The following SPAG6 variants were observed in gnomAD, a reference collection of about 807,000 sequenced individuals.
SPAG6 encodes sperm associated antigen 6.
In SPAG6, 49 loss-of-function variants were observed where a neutral mutation model predicts 58.5. The ratio of observed to expected loss-of-function variants is 0.84; its 90% CI spans 0.67 to 1.06. The LOEUF (loss-of-function observed/expected upper bound fraction) is 1.06. SPAG6 is among the 50% of genes least tolerant of loss of function. The probability of loss-of-function intolerance (pLI) is 0.00; values close to 1 mark genes in which losing one functional copy is unlikely to be tolerated. For missense variants in SPAG6, 560 were observed against 611.3 expected (o/e 0.92, Z 0.89); for synonymous variants, 233 against 225.6 (o/e 1.03, Z -0.29).
At chr10:22,409,037 G>T (rs535111483) in intron 9 of SPAG6, among the ~76,000 whole-genome samples, 6 of 152,296 alleles carry the variant, frequency 3.9e-5, no homozygotes, top group Middle Eastern at 3.4e-3. Context: ...GCACTCCCTA[G>T]TGAGATGAAC....
intron 2 of SPAG6, among the ~76,000 whole-genome samples, chr10:22,356,138 T>A (rs1253693655): frequency 2.6e-5 from 4 of 152,198 alleles, no homozygotes; most frequent in African/African-American, 9.7e-5. Flanking sequence ...AATTACAAAT[T>A]ACCTATGCTA....
chr10:22,357,056 A>G (rs961791450), intron 2 of SPAG6, among the ~76,000 whole-genome samples: 2 of 152,112 alleles, frequency 1.3e-5, no homozygotes, highest in Non-Finnish European at 2.9e-5. Context: ...CAGTTTTGTC[A>G]ACATATGAAA....
chr10:22,388,098 C>T, intron 6 of SPAG6, 102 bp downstream of exon 6: 1 of 911,846 alleles, frequency 1.1e-6, no homozygotes, highest in South Asian at 1.9e-5. Flanking sequence ...GGCACATGAT[C>T]TAGTTGAGTC....
At chr10:22,410,824 C>T (rs1834712969) in intron 9 of SPAG6, among the ~76,000 whole-genome samples, 1 of 152,104 alleles carries the variant, frequency 6.6e-6, no homozygotes. Flanking sequence ...ATGTTCATTG[C>T]CTTTATTTCA....
At chr10:22,386,437 T>G (rs7074430) in intron 4 of SPAG6, among the ~76,000 whole-genome samples, 7,672 of 151,648 alleles carry the variant, frequency 0.051, 462 homozygotes, top group African/African-American at 0.14. Context: ...TATTGAGAAG[T>G]GCAGAATTGT....
chr10:22,376,394 ATTTC>A (rs1012641572), intron 4 of SPAG6, among the ~76,000 whole-genome samples: 4 of 152,164 alleles, frequency 2.6e-5, no homozygotes, highest in Admixed American at 6.5e-5. Flanking sequence ...ATTTTCACCT[ATTTC>A]TTTTTACTTT....
chr10:22,353,299 G>A lies in SPAG6; in HGVS notation c.121+7481G>A, dbSNP rs1588633613. Among the ~76,000 whole-genome samples the A allele has an allele frequency of 2.0e-5, 3 of 152,284 alleles. No individual in the cohort carries two copies. The East Asian group carries it at 5.8e-4, about 29-fold the overall frequency. On this transcript the variant is annotated intron_variant, in intron 2 of 10. Coordinates refer to ENST00000376624, the MANE Select transcript of SPAG6 (RefSeq NM_012443.4). The stretch of plus-strand genomic sequence containing the variant: ...TTCTGCAAACAGATGGATGTAATTA[G>A]GTATTTACTGTAAAAGAGAAAACAC...
At chr10:22,367,616 CAG>C (rs1393590777) in intron 3 of SPAG6, among the ~76,000 whole-genome samples, 1 of 152,028 alleles carries the variant, frequency 6.6e-6, no homozygotes, top group Non-Finnish European at 1.5e-5. Context: ...TTATTAATAA[CAG>C]AAAGAGTTAG....
intron 7 of SPAG6, among the ~76,000 whole-genome samples, chr10:22,390,382 T>C (rs1226543732): frequency 1.3e-5 from 2 of 152,124 alleles, no homozygotes; most frequent in Non-Finnish European, 1.5e-5. Context: ...ACCAGGGAGC[T>C]CTCCCCTTCT....
chr10:22,396,061 A>T (rs1834285084), intron 8 of SPAG6, among the ~76,000 whole-genome samples: 1 of 152,200 alleles, frequency 6.6e-6, no homozygotes, highest in Non-Finnish European at 1.5e-5. Context: ...ATCATGGCAG[A>T]AGGCAAAGGG....
At chr10:22,353,696 G>A (rs1304630567) in intron 2 of SPAG6, among the ~76,000 whole-genome samples, 1 of 152,136 alleles carries the variant, frequency 6.6e-6, no homozygotes, top group Non-Finnish European at 1.5e-5. Context: ...TGCAAAAATC[G>A]GAGGCATAGT....
intron 7 of SPAG6, 139 bp from the exon 8 acceptor site, chr10:22,391,590 G>C (rs1834184807): frequency 1.5e-6 from 1 of 658,214 alleles, no homozygotes; most frequent in African/African-American, 1.8e-5. Flanking sequence ...GACAGCCCCT[G>C]TGATGTGCTC....
Position 22,401,404 on chromosome 10 carries a change from A to G in SPAG6, c.1314+127A>G, listed in dbSNP as rs202069037. ...TGGTTTTACTGCTTAACTCTCACCA[A>G]TCTGTATGGACAGAGAAGTTACCTT... On this transcript the variant is annotated intron_variant, in intron 9 of 10. Coordinates refer to ENST00000376624, the MANE Select transcript of SPAG6 (RefSeq NM_012443.4). The G allele has an allele frequency of 7.7e-5, 50 of 650,390 alleles. No individual in the cohort carries two copies. The East Asian group carries it at 9.1e-4, about 12-fold the overall frequency. The allele number at this position is 650,390 out of a possible 1,614,324, so 40.3% of individuals were successfully genotyped here. A position where few individuals can be genotyped will look rare whatever the true frequency, so the allele number is the denominator to read the frequency against.
chr10:22,401,710 C>G (rs1295777898), intron 9 of SPAG6, among the ~76,000 whole-genome samples: 1 of 152,128 alleles, frequency 6.6e-6, no homozygotes, highest in Admixed American at 6.5e-5. Context: ...TCATTTGGAG[C>G]ATATCGACTT....
rs139836746 is a variant in SPAG6 at position 22,410,622 on chromosome 10, C to T, written c.1315-409C>T. On this transcript the variant is annotated intron_variant, in intron 9 of 10. Transcript: ENST00000376624. Reference sequence around the variant, plus strand: ...GGCAAGAGATGACACAGCATGCATGCTGTGATGTTACTGAAACAATATTTA... The same window carrying T: ...GGCAAGAGATGACACAGCATGCATGTTGTGATGTTACTGAAACAATATTTA... Among the ~76,000 whole-genome samples, 370 of 152,200 alleles carry T rather than the reference C, an allele frequency of 2.4e-3. 4 individuals are homozygous for T. The highest frequency in any genetic ancestry group is 3.4e-3 in the Middle Eastern group (1 of 294).
chr10:22,348,908 A>G (rs1027779901), intron 2 of SPAG6, among the ~76,000 whole-genome samples: 8 of 152,028 alleles, frequency 5.3e-5, no homozygotes, highest in African/African-American at 7.2e-5. Flanking sequence ...TCTCAGCTCA[A>G]TGCAACCTCT....
At chr10:22,405,005 G>A (rs1438078587) in intron 9 of SPAG6, among the ~76,000 whole-genome samples, 1 of 152,110 alleles carries the variant, frequency 6.6e-6, no homozygotes, top group Non-Finnish European at 1.5e-5. Flanking sequence ...AGACTTTGCT[G>A]AAGTTGCTTA....
At chr10:22,405,069 A>T (rs1244101261) in intron 9 of SPAG6, among the ~76,000 whole-genome samples, 1 of 152,244 alleles carries the variant, frequency 6.6e-6, no homozygotes, top group African/African-American at 2.4e-5. Context: ...ATATACAATC[A>T]TGTCGTCTGC....
chr10:22,412,326 C>G (rs920323143), intron 10 of SPAG6: 2 of 578,484 alleles, frequency 3.5e-6, no homozygotes, highest in Admixed American at 3.1e-5. Context: ...TGCAACATGT[C>G]TGTTAATTCT....
Sources: allele counts gnomAD v4.1 joint callset (sites outside exome capture counted in the v4.1 genomes callset), GRCh38; gene constraint gnomAD v4.1.1; transcripts MANE v1.5; gene names NCBI Gene and HGNC (gene_info 2026-07-23, HGNC 2026-07-21).